TRAPPC11: variants seen among roughly 807,000 people sequenced by gnomAD.
The protein encoded by TRAPPC11 is foie gras homolog.
TRAPPC11 carries 104 observed loss-of-function variants against 151.2 expected under a neutral mutation model. That is an observed-to-expected ratio of 0.69 (90% CI 0.59 to 0.81). TRAPPC11 has a LOEUF of 0.81. TRAPPC11 is among the 30% of genes least tolerant of loss of function. The pLI is 0.00. For missense variants in TRAPPC11, 1,230 were observed against 1,349.6 expected (o/e 0.91, Z 1.39); for synonymous variants, 456 against 472.3 (o/e 0.97, Z 0.45).
chr4:183,696,626 A>G (rs759357837), intron 23 of TRAPPC11, among the ~76,000 whole-genome samples: 9 of 152,048 alleles, frequency 5.9e-5, no homozygotes, highest in Admixed American at 5.9e-4. Context: ...TGAACTCCTG[A>G]GCTCAAGCAA....
rs1248813838 is a variant in TRAPPC11, at chr4:183,663,940, C to G, written c.73C>G (p.Leu25Val). The part of the protein sequence containing the change: ...RPMAFVTLTG[L>V]DVVYNAVHRA... Reference sequence around the variant, plus strand: ...TATGGCCTTTGTTACTCTAACGGGCCTGGATGTAGTTTATAATGCAGTCCA... The same window carrying G: ...TATGGCCTTTGTTACTCTAACGGGCGTGGATGTAGTTTATAATGCAGTCCA... The change falls in exon 2 of 30, where the codon CTG (leucine) becomes GTG (valine). Residue 25 changes from leucine to valine, a missense_variant. Physicochemically the swap from Leu to Val is conservative, Grantham distance 32. Transcript: ENST00000334690. The G allele has an allele frequency of 6.2e-7, 1 of 1,614,078 alleles. No individual in the cohort carries two copies. Among genetic ancestry groups the G allele is most frequent in the East Asian group, 2.2e-5 (1 of 44,882 alleles).
chr4:183,670,397 G>A (rs1485807907), intron 5 of TRAPPC11, among the ~76,000 whole-genome samples: 1 of 152,162 alleles, frequency 6.6e-6, no homozygotes. Context: ...AAAAGTAAGT[G>A]TTCCCAACGT....
chr4:183,702,492 G>A (rs1736850743), intron 26 of TRAPPC11, among the ~76,000 whole-genome samples: 2 of 152,118 alleles, frequency 1.3e-5, no homozygotes, highest in Non-Finnish European at 2.9e-5. Context: ...GAATGAACCA[G>A]AGCTACACCA....
At chr4:183,706,100 C>CACACACACACACACA (rs1161888168) in intron 27 of TRAPPC11, 10 of 135,186 alleles carry the variant, frequency 7.4e-5, no homozygotes, top group African/African-American at 2.7e-4. Flanking sequence ...ACACACACAC[C>CACACACACACACACA]CACCAAACAA....
In TRAPPC11 at chr4:183,667,069, A is replaced by G. The variant is rs369613803; in HGVS notation, c.384A>G (p.Leu128=). 1.1e-5 allele frequency: 18 copies of G among 1,596,846 alleles called. No homozygotes were observed. Among genetic ancestry groups the G allele is most frequent in the East Asian group, 2.2e-5 (1 of 44,678 alleles). The change falls in exon 4 of 30, where the codon TTA becomes TTG. Residue 128 remains leucine, a synonymous_variant. Transcript: ENST00000334690. ...TGCTTTTTCATTGCAGGCAAAGTTT[A>G]CAAGGAAGAAACACAAAAGTTGCAG... ...ATRVEIVRQS[L]QGRNTKVAVV...
rs768861361 is a variant in TRAPPC11, at chr4:183,693,943, A to C, written c.2413A>C (p.Thr805Pro). The change falls in exon 22 of 30, where the codon ACT becomes CCT. Residue 805 changes from threonine (T) to proline (P), a missense_variant. Transcript: ENST00000334690. ...ACAGGATGCCAATTTAACTCAGAAG[A>C]CTCACGTGACTCTTCATGGAACAGA... ...PGQDANLTQK[T>P]HVTLHGTELC... 1.9e-6 allele frequency: 3 copies of C among 1,613,698 alleles called. No individual in the cohort carries two copies. The highest frequency in any genetic ancestry group is 2.2e-5 in the South Asian group (2 of 91,036).
intron 5 of TRAPPC11, among the ~76,000 whole-genome samples, chr4:183,674,420 CAAAAAAAAAA>C (rs34161415): frequency 1.0e-3 from 40 of 40,008 alleles, no homozygotes; most frequent in African/African-American, 3.2e-3. Context: ...GACCCTGTCT[CAAAAAAAAAA>C]AAAAAAAAAA....
At chr4:183,694,819 G>C in intron 23 of TRAPPC11, 96 bp downstream of exon 23, 2 of 1,217,760 alleles carry the variant, frequency 1.6e-6, no homozygotes, top group Non-Finnish European at 2.3e-6. Context: ...AAAATAAGCA[G>C]TTTAGGTGCT....
chr4:183,710,491 T>TTAG (rs926268133), intron 29 of TRAPPC11, among the ~76,000 whole-genome samples: 2 of 151,600 alleles, frequency 1.3e-5, no homozygotes, highest in Admixed American at 1.3e-4. Context: ...TTTCACCATG[T>TTAG]TAGCCAGGAT....
rs67383011 is a variant in TRAPPC11, at chr4:183,691,400, G to A, written c.1978G>A (p.Val660Ile). The change falls in exon 19 of 30, where the codon GTT becomes ATT. Residue 660 changes from valine to isoleucine, a missense_variant. Val to Ile is a conservative substitution (Grantham distance 29). Coordinates refer to ENST00000334690, the MANE Select transcript of TRAPPC11 (RefSeq NM_021942.6). ...TCTGACTCAAGGAAAGATGTGCCTA[G>A]TTCCTGGCAAAACAAGAAAACTGTT... The part of the protein sequence containing the change: ...ENLTQGKMCL[V>I]PGKTRKLLFK... 7.1e-6 allele frequency: 11 copies of A among 1,556,934 alleles called. No individual in the cohort carries two copies. The highest frequency in any genetic ancestry group is 1.3e-5 in the African/African-American group (1 of 74,458).
intron 5 of TRAPPC11, among the ~76,000 whole-genome samples, chr4:183,668,734 G>A (rs1214158401): frequency 1.3e-5 from 2 of 152,134 alleles, no homozygotes; most frequent in African/African-American, 4.8e-5. Context: ...AGATTACCTG[G>A]AGACACAACA....
At chr4:183,677,599 T>A in intron 8 of TRAPPC11, 45 bp downstream of exon 8, 1 of 1,074,684 alleles carries the variant, frequency 9.3e-7, no homozygotes, top group Non-Finnish European at 1.4e-6. Context: ...GTTTCAATAT[T>A]AAATTATCTT....
intron 5 of TRAPPC11, among the ~76,000 whole-genome samples, chr4:183,670,186 C>T (rs964252511): frequency 7.2e-5 from 11 of 152,108 alleles, no homozygotes; most frequent in Admixed American, 5.9e-4. Flanking sequence ...CAGAGCCTTT[C>T]GAGGTATTAC....
intron 18 of TRAPPC11, among the ~76,000 whole-genome samples, chr4:183,688,359 T>C (rs1299851407): frequency 6.6e-6 from 1 of 152,146 alleles, no homozygotes; most frequent in East Asian, 1.9e-4. Flanking sequence ...AAACACTGCA[T>C]GGAAACAGAA....
At chr4:183,704,939 G>A (rs765758881) in intron 26 of TRAPPC11, 40 bp from the exon 27 acceptor site, 19 of 1,335,694 alleles carry the variant, frequency 1.4e-5, no homozygotes, top group Non-Finnish European at 1.9e-5. Flanking sequence ...TTAAAAAGAT[G>A]TTTAAAAAGA....
In TRAPPC11 at chr4:183,709,558, A is replaced by G. The variant is rs192637040; in HGVS notation, c.3357+984A>G. ...TGGGAGGCCGAGGCGGGCAGATCATAAGGTCAGGAGATCGAGACCATCCTG... is the reference window on the plus strand; with the variant it reads ...TGGGAGGCCGAGGCGGGCAGATCATGAGGTCAGGAGATCGAGACCATCCTG... On this transcript the variant is annotated intron_variant, in intron 29 of 29. Coordinates refer to ENST00000334690, the MANE Select transcript of TRAPPC11 (RefSeq NM_021942.6). 2.4e-3 allele frequency among the ~76,000 whole-genome samples: 366 copies of G among 152,090 alleles called. 1 individual carries two copies. The highest frequency in any genetic ancestry group is 8.4e-3 in the African/African-American group (347 of 41,486).
chr4:183,666,087 C>T (rs1734867472), intron 2 of TRAPPC11, 170 bp from the exon 3 acceptor site: 2 of 516,904 alleles, frequency 3.9e-6, no homozygotes, highest in East Asian at 6.3e-5. Context: ...GTTGAGATTC[C>T]ACCTTCAACA....
Position 183,684,050 on chromosome 4 carries a change from A to G in TRAPPC11, c.1283A>G (p.His428Arg). The stretch of plus-strand genomic sequence containing the variant: ...CAGCTGAAGGAGAGAAATGTTGTTC[A>G]CTCTGTAAGTTTTGTGTCCAATATA... ...AIQLKERNVV[H>R]SEIIITLLSN... The change falls in exon 12 of 30, where the codon CAC (histidine) becomes CGC (arginine). Residue 428 changes from histidine (H) to arginine (R), a missense_variant. Coordinates refer to ENST00000334690, the MANE Select transcript of TRAPPC11 (RefSeq NM_021942.6). 6.2e-7 allele frequency: 1 copy of G among 1,613,702 alleles called. No homozygotes were observed. The highest frequency in any genetic ancestry group is 1.1e-5 in the South Asian group (1 of 91,064).
At chr4:183,660,312 G>C (rs1346831205) in intron 1 of TRAPPC11, among the ~76,000 whole-genome samples, 2 of 152,160 alleles carry the variant, frequency 1.3e-5, no homozygotes, top group Non-Finnish European at 2.9e-5. Context: ...GCTACATCAG[G>C]CATTTGAAAT....
Sources: gnomAD v4.1 joint callset for allele counts (sites outside exome capture counted in the v4.1 genomes callset) on GRCh38, gnomAD v4.1.1 for gene constraint, MANE v1.5 for transcripts, NCBI Gene and HGNC (gene_info 2026-07-23, HGNC 2026-07-21) for gene names.